Variants in SAP30L observed in about 807,000 individuals in gnomAD.
The protein encoded by SAP30L is histone deacetylase complex subunit SAP30L.
A neutral mutation model predicts 22.3 loss-of-function variants in SAP30L; 10 were observed. The observed-to-expected ratio is 0.45, with a 90% CI of 0.28 to 0.76. The LOEUF is 0.76. Ranked by LOEUF, SAP30L falls within the 30% of genes least tolerant of loss-of-function variation. The pLI, the probability that SAP30L is intolerant of heterozygous loss-of-function variation, is 0.14. For missense variants in SAP30L, 206 were observed against 237.9 expected (o/e 0.87, Z 0.88); for synonymous variants, 91 against 94.1 (o/e 0.97, Z 0.19).
chr5:154,454,087 A>C (rs1330958757), intron 3 of SAP30L, among the ~76,000 whole-genome samples: 1 of 152,200 alleles, frequency 6.6e-6, no homozygotes, highest in African/African-American at 2.4e-5. Context: ...CAAAGTGCTG[A>C]GATTACAGGC....
Position 154,453,515 on chromosome 5 carries a change from T to C in SAP30L, c.423+15T>C. On this transcript the variant is annotated intron_variant, in intron 3 of 3. Coordinates refer to ENST00000297109, the MANE Select transcript of SAP30L (RefSeq NM_024632.6). ...AGTTAGCAGAAGTAGGTAGACAAAA[T>C]TGCCCTCTAAAGAGAGCCAGCATTG... The C allele has an allele frequency of 6.4e-7, 1 of 1,569,684 alleles. No homozygotes were observed. The highest frequency in any genetic ancestry group is 8.8e-7 in the Non-Finnish European group (1 of 1,139,436).
At chr5:154,447,146 G>A (rs73285294) in intron 1 of SAP30L, among the ~76,000 whole-genome samples, 12,899 of 152,308 alleles carry the variant, frequency 0.085, 560 homozygotes, top group Admixed American at 0.098. Flanking sequence ...ATCGGAGCGG[G>A]GAGTGATGAA....
intron 2 of SAP30L, among the ~76,000 whole-genome samples, chr5:154,451,526 G>A (rs559143073): frequency 2.1e-5 from 3 of 145,838 alleles, no homozygotes; most frequent in Non-Finnish European, 3.0e-5. Context: ...TGACGAATGC[G>A]TAAATACAAC....
At position 154,457,330 on chromosome 5, in the gene SAP30L, G is replaced by A. The variant is rs527317393; in HGVS notation, c.*1302G>A. The A allele has an allele frequency of 3.9e-5, 6 of 152,226 alleles. No individual in the cohort carries two copies. The highest frequency in any genetic ancestry group is 1.4e-4 in the African/African-American group (6 of 41,530). The allele number at this position is 152,226 out of a possible 1,614,324, so 9.4% of individuals were successfully genotyped here. ...GCAGAGGGTATGGGGTAGGAGGGTGGGAGAAAGAAAAGAAAAGAATTTGGA... is the reference window on the plus strand; with the variant it reads ...GCAGAGGGTATGGGGTAGGAGGGTGAGAGAAAGAAAAGAAAAGAATTTGGA... On this transcript the variant is annotated 3_prime_UTR_variant, in exon 4 of 4. Coordinates refer to ENST00000297109, the MANE Select transcript of SAP30L (RefSeq NM_024632.6).
Position 154,458,296 on chromosome 5 carries a change from G to A in SAP30L, c.*2268G>A, listed in dbSNP as rs1390400656. On this transcript the variant is annotated 3_prime_UTR_variant, in exon 4 of 4. Coordinates refer to ENST00000297109, the MANE Select transcript of SAP30L (RefSeq NM_024632.6). ...AATCTGACCTTTCAACAGGTCAGGT[G>A]AGAGAAAAGACAAAGCTATTTGAAC... is the stretch of plus-strand genomic sequence containing the variant. 2 of 152,240 alleles carry A rather than the reference G, an allele frequency of 1.3e-5. No individual in the cohort carries two copies. Among genetic ancestry groups the A allele is most frequent in the Non-Finnish European group, 2.9e-5 (2 of 68,044 alleles). The allele number at this position is 152,240 out of a possible 1,614,324, so 9.4% of individuals were successfully genotyped here.
At chr5:154,452,195 C>T (rs942530056) in intron 2 of SAP30L, among the ~76,000 whole-genome samples, 11 of 152,080 alleles carry the variant, frequency 7.2e-5, no homozygotes, top group Admixed American at 1.3e-4. Context: ...AAAGAGTAGG[C>T]GGGCCTTTGT....
rs1157124205 is a variant in SAP30L at position 154,458,031 on chromosome 5, A to G, written c.*2003A>G. On this transcript the variant is annotated 3_prime_UTR_variant, in exon 4 of 4. Transcript: ENST00000297109. ...TTGTGGGCGTGTAGGTCACATCACT[A>G]TTTCTTTAGCAGCAAATCTGTTTTC... The G allele has an allele frequency of 6.6e-6, 1 of 152,130 alleles. No individual in the cohort carries two copies. Among genetic ancestry groups the G allele is most frequent in the Non-Finnish European group, 1.5e-5 (1 of 68,002 alleles). The allele number at this position is 152,130 out of a possible 1,614,324, so 9.4% of individuals were successfully genotyped here.
At position 154,459,792 on chromosome 5, in the gene SAP30L, T is replaced by C. The variant is rs1757336706; in HGVS notation, c.*3764T>C. 2 of 152,162 alleles carry C rather than the reference T, an allele frequency of 1.3e-5. No individual in the cohort carries two copies. Among genetic ancestry groups the C allele is most frequent in the South Asian group, 4.1e-4 (2 of 4,828 alleles). The allele number at this position is 152,162 out of a possible 1,614,324, so 9.4% of individuals were successfully genotyped here. A position where few individuals can be genotyped will look rare whatever the true frequency, so the allele number is the denominator to read the frequency against. ...TATAACTTCGTTGCTTTGCATGAAG[T>C]TTAAAGTTTTCATGGTTGCCCAGGG... is the stretch of plus-strand genomic sequence containing the variant. On this transcript the variant is annotated 3_prime_UTR_variant, in exon 4 of 4. Transcript: ENST00000297109.
rs930064155 is a variant in SAP30L, at chr5:154,456,266, A to G, written c.*238A>G. ...ATCAGGATCATTAAAAGAATTAAAA[A>G]CTATGTATTTCAGCATTCAACAAAG... On this transcript the variant is annotated 3_prime_UTR_variant, in exon 4 of 4. Coordinates refer to ENST00000297109, the MANE Select transcript of SAP30L (RefSeq NM_024632.6). 1 of 326,726 alleles carries G rather than the reference A, an allele frequency of 3.1e-6. No individual in the cohort carries two copies. The allele number at this position is 326,726 out of a possible 1,614,324, so 20.2% of individuals were successfully genotyped here.
At chr5:154,447,296 AGCTGTGGGAATGGGTTTTTCTAGGATGTG>A (rs1757040983) in intron 1 of SAP30L, among the ~76,000 whole-genome samples, 1 of 152,238 alleles carries the variant, frequency 6.6e-6, no homozygotes, top group African/African-American at 2.4e-5. Flanking sequence ...CTTCGCAGGC[AGCTGTGGGAATGGGTTTTTCTAGGATGTG>A]GCAGAAATAA....
intron 3 of SAP30L, 66 bp downstream of exon 3, chr5:154,453,566 T>C (rs970590634): frequency 2.0e-5 from 22 of 1,074,312 alleles, no homozygotes; most frequent in Non-Finnish European, 3.2e-5. Flanking sequence ...TTACCCTGAT[T>C]CTCCCTTACC....
Position 154,446,720 on chromosome 5 carries a change from T to C in SAP30L, c.116T>C (p.Val39Ala). The change falls in exon 1 of 4, where the codon GTC (valine) becomes GCC (alanine). Residue 39 changes from valine to alanine, a missense_variant. Around this residue, in one of 2 missense-constraint regions of SAP30L, gnomAD observed 136 missense variants for 187.4 expected, o/e 0.73. Coordinates refer to ENST00000297109, the MANE Select transcript of SAP30L (RefSeq NM_024632.6). ...CCLIEDGERC[V>A]RPAGNASFSK... ...CTCATCGAGGACGGCGAGCGCTGCG[T>C]CCGGCCCGCGGGCAACGCCTCCTTC... The C allele has an allele frequency of 1.2e-6, 2 of 1,604,498 alleles. No homozygotes were observed. The highest frequency in any genetic ancestry group is 1.1e-5 in the South Asian group (1 of 90,384).
chr5:154,452,397 T>G, intron 2 of SAP30L: 1 of 798,798 alleles, frequency 1.3e-6, no homozygotes, highest in Non-Finnish European at 1.5e-6. Context: ...TTGAGGAATG[T>G]TTTGAAAAAG....
intron 1 of SAP30L, among the ~76,000 whole-genome samples, chr5:154,447,960 T>G (rs1018810196): frequency 7.5e-6 from 1 of 132,916 alleles, no homozygotes; most frequent in Admixed American, 9.2e-5. Context: ...TTCTTTTTTT[T>G]TTCTTTTTCT....
rs532883820 is a variant in SAP30L, at chr5:154,458,094, A to G, written c.*2066A>G. The stretch of plus-strand genomic sequence containing the variant: ...GACAATAGCTTCTGCACAAGAATAT[A>G]TGATGGTAGGATCCATCTGTTCAAT... On this transcript the variant is annotated 3_prime_UTR_variant, in exon 4 of 4. Transcript: ENST00000297109. 5 of 152,374 alleles carry G rather than the reference A, an allele frequency of 3.3e-5. No individual in the cohort carries two copies. The South Asian group carries it at 8.3e-4, about 25-fold the overall frequency. 9.4% of individuals were successfully genotyped at this position (152,374 alleles called of 1,614,324 possible).
chr5:154,454,358 T>C (rs893665515), intron 3 of SAP30L, among the ~76,000 whole-genome samples: 1 of 152,080 alleles, frequency 6.6e-6, no homozygotes, highest in African/African-American at 2.4e-5. Context: ...CCTGGCTTGA[T>C]AATTCTGTCT....
chr5:154,446,492 G>C lies in SAP30L; in HGVS notation c.-113G>C. 1 of 882,484 alleles carries C rather than the reference G, an allele frequency of 1.1e-6. No homozygotes were observed. The highest frequency in any genetic ancestry group is 1.6e-6 in the Non-Finnish European group (1 of 635,572). 54.7% of individuals were successfully genotyped at this position (882,484 alleles called of 1,614,324 possible). ...GCAGGGCAGCGCCCGGGCTGGAGAC[G>C]GACTCTGGGACCCTCGGCTGCGGGG... On this transcript the variant is annotated 5_prime_UTR_variant, in exon 1 of 4. Coordinates refer to ENST00000297109, the MANE Select transcript of SAP30L (RefSeq NM_024632.6).
rs561136438 is a variant in SAP30L, at chr5:154,460,889, G to A, written c.*4861G>A. Reference sequence around the variant, plus strand: ...TTGTACTTGTTTCCTGCCAAATCTGGGGGATCATTTGTATTTTAACTTCGT... The same window carrying A: ...TTGTACTTGTTTCCTGCCAAATCTGAGGGATCATTTGTATTTTAACTTCGT... On this transcript the variant is annotated 3_prime_UTR_variant, in exon 4 of 4. Transcript: ENST00000297109. 1 of 152,230 alleles carries A rather than the reference G, an allele frequency of 6.6e-6. No homozygotes were observed. The highest frequency in any genetic ancestry group is 1.9e-4 in the East Asian group (1 of 5,180). 9.4% of individuals were successfully genotyped at this position (152,230 alleles called of 1,614,324 possible). A position where few individuals can be genotyped will look rare whatever the true frequency, so the allele number is the denominator to read the frequency against.
At chr5:154,451,249 G>A (rs369742000) in intron 2 of SAP30L, 36 bp downstream of exon 2, 2 of 1,604,914 alleles carry the variant, frequency 1.2e-6, no homozygotes, top group Middle Eastern at 1.7e-4. Context: ...GAAGCTGGAA[G>A]AATGGATTCT....
Sources: allele counts gnomAD v4.1 joint callset (sites outside exome capture counted in the v4.1 genomes callset), GRCh38; gene constraint gnomAD v4.1.1; regional missense constraint gnomAD v4.1.1; transcripts MANE v1.5; gene names NCBI Gene and HGNC (gene_info 2026-07-23, HGNC 2026-07-21).